The following MYO3A variants were observed in gnomAD, a reference collection of about 807,000 sequenced individuals.
MYO3A encodes myosin IIIA.
In MYO3A, 180 loss-of-function variants were observed where a neutral mutation model predicts 192.7. The ratio of observed to expected loss-of-function variants is 0.93; its 90% confidence interval spans 0.83 to 1.06. The LOEUF (loss-of-function observed/expected upper bound fraction) is 1.06, where lower values mean the gene tolerates loss of function less well. Among genes scored for constraint, MYO3A ranks in the 50% least tolerant of loss-of-function variants. The pLI is 0.00. For missense variants in MYO3A, 1,896 were observed against 1,905.0 expected, an observed-to-expected ratio of 1.00 and a Z score of 0.09; for synonymous variants, 628 against 645.3, an observed-to-expected ratio of 0.97 and a Z score of 0.41.
chr10:26,201,644 C>T (rs981080429), intron 33 of MYO3A, among the ~76,000 whole-genome samples: 2 of 151,552 alleles, frequency 1.3e-5, no homozygotes, highest in South Asian at 2.1e-4. Context: ...CGAGATTGCG[C>T]CACTGCACTC....
At chr10:26,110,869 CTTT>C (rs398054216) in intron 17 of MYO3A, among the ~76,000 whole-genome samples, 3 of 130,402 alleles carry the variant, frequency 2.3e-5, no homozygotes, top group Non-Finnish European at 1.7e-5. Flanking sequence ...GTTTTCTTTT[CTTT>C]TTTTTTTTTT....
At chr10:26,147,370 G>A (rs1260859399) in intron 22 of MYO3A, 60 bp from the exon 23 acceptor site, 2 of 1,156,718 alleles carry the variant, frequency 1.7e-6, no homozygotes, top group Non-Finnish European at 2.5e-6. Flanking sequence ...TGATGATGGT[G>A]AGGAGGAGGA....
intron 1 of MYO3A, among the ~76,000 whole-genome samples, chr10:25,935,300 G>C (rs1160496419): frequency 1.3e-5 from 2 of 152,108 alleles, no homozygotes; most frequent in East Asian, 1.9e-4. Flanking sequence ...TTGCTAACTC[G>C]CACCTTGCTA....
At chr10:25,951,717 A>G (rs1322748515) in intron 2 of MYO3A, among the ~76,000 whole-genome samples, 1 of 152,208 alleles carries the variant, frequency 6.6e-6, no homozygotes, top group Non-Finnish European at 1.5e-5. Context: ...ATCTGCTTAA[A>G]TGAGGAAGTT....
intron 5 of MYO3A, among the ~76,000 whole-genome samples, chr10:25,996,933 C>T (rs576019835): frequency 8.1e-4 from 123 of 152,042 alleles, no homozygotes; most frequent in Middle Eastern, 3.4e-3. Flanking sequence ...ATTTGTAATA[C>T]GATATTTGCT....
chr10:26,068,861 A>C lies in MYO3A; in HGVS notation c.1147A>C (p.Ser383Arg), dbSNP rs773728378. 1 of 1,589,872 alleles carries C rather than the reference A, an allele frequency of 6.3e-7. No homozygotes were observed. Among genetic ancestry groups the C allele is most frequent in the South Asian group, 1.1e-5 (1 of 90,644 alleles). ...DILIALNPFQSLGLYSTKHSK... is the reference protein window; with the variant it reads ...DILIALNPFQRLGLYSTKHSK... ...ACTCATTGCTCTTAACCCTTTTCAG[A>C]GTCTGGGTCTTTACTCCACAAAGGT... The change falls in exon 12 of 35, where the codon AGT becomes CGT. Residue 383 changes from serine (S) to arginine (R), a missense_variant. Coordinates refer to ENST00000642920, the MANE Select transcript of MYO3A (RefSeq NM_017433.5).
chr10:26,140,772 A>G (rs1262399871), intron 20 of MYO3A, among the ~76,000 whole-genome samples: 2 of 152,140 alleles, frequency 1.3e-5, no homozygotes, highest in African/African-American at 4.8e-5. Context: ...GATTTTCCTG[A>G]AGAAAATATA....
In MYO3A at chr10:26,176,800, C is replaced by A. The variant is rs750441373; in HGVS notation, c.4393C>A (p.His1465Asn). The change falls in exon 31 of 35, where the codon CAT becomes AAT. Residue 1465 changes from histidine to asparagine, a missense_variant. His to Asn is a moderately conservative substitution (Grantham distance 68). Coordinates refer to ENST00000642920, the MANE Select transcript of MYO3A (RefSeq NM_017433.5). ...GTCACTTTATCTGGGTGTCTCGCACCATAAGCCAATTAATAGACGAGTTTC... is the reference window on the plus strand; with the variant it reads ...GTCACTTTATCTGGGTGTCTCGCACAATAAGCCAATTAATAGACGAGTTTC... ...LKSLYLGVSH[H>N]KPINRRVSSQ... 6.2e-7 allele frequency: 1 copy of A among 1,613,968 alleles called. No individual in the cohort carries two copies. The highest frequency in any genetic ancestry group is 1.3e-5 in the African/African-American group (1 of 74,884).
At chr10:26,138,222 A>T (rs12218737) in intron 20 of MYO3A, among the ~76,000 whole-genome samples, 3 of 152,022 alleles carry the variant, frequency 2.0e-5, no homozygotes, top group Non-Finnish European at 4.4e-5. Context: ...GGTCACCCCC[A>T]GTGGCCCAGC....
At chr10:26,089,271 C>T (rs1408646683) in intron 15 of MYO3A, among the ~76,000 whole-genome samples, 4 of 152,006 alleles carry the variant, frequency 2.6e-5, no homozygotes, top group Non-Finnish European at 5.9e-5. Context: ...GAGTCCAGCT[C>T]CTAATATGGA....
At chr10:26,062,488 GC>G (rs1453278703) in intron 10 of MYO3A, among the ~76,000 whole-genome samples, 3 of 95,536 alleles carry the variant, frequency 3.1e-5, no homozygotes, top group Non-Finnish European at 4.7e-5. Flanking sequence ...CTGCACTCTG[GC>G]CTGGCGACAG....
intron 2 of MYO3A, among the ~76,000 whole-genome samples, chr10:25,949,036 C>A (rs766890288): frequency 6.6e-6 from 1 of 152,012 alleles, no homozygotes; most frequent in Admixed American, 6.6e-5. Context: ...TTTTCCTGAC[C>A]ACTTCAGAAT....
chr10:26,172,606 G>A (rs1842104164), intron 29 of MYO3A, among the ~76,000 whole-genome samples: 1 of 152,200 alleles, frequency 6.6e-6, no homozygotes, highest in Non-Finnish European at 1.5e-5. Context: ...CTTCTTAGTT[G>A]TATTTTGAAT....
intron 14 of MYO3A, among the ~76,000 whole-genome samples, chr10:26,070,837 A>G (rs1835158792): frequency 8.7e-6 from 1 of 115,538 alleles, no homozygotes. Context: ...TGAACTATGT[A>G]GATCTAAATA....
chr10:26,001,119 TG>T (rs764809906), intron 6 of MYO3A, among the ~76,000 whole-genome samples: 59 of 152,218 alleles, frequency 3.9e-4, no homozygotes, highest in Non-Finnish European at 7.2e-4. Context: ...ATATGACATT[TG>T]GGTGGGGACA....
chr10:26,201,650 C>A (rs1316031980), intron 33 of MYO3A, among the ~76,000 whole-genome samples: 1 of 149,364 alleles, frequency 6.7e-6, no homozygotes, highest in African/African-American at 2.5e-5. Flanking sequence ...TGCGCCACTG[C>A]ACTCCAGCCT....
At chr10:25,958,906 A>T (rs1490915714) in intron 4 of MYO3A, among the ~76,000 whole-genome samples, 1 of 151,632 alleles carries the variant, frequency 6.6e-6, no homozygotes, top group Non-Finnish European at 1.5e-5. Flanking sequence ...CTGTATTCCT[A>T]GGTATTTTAT....
chr10:26,086,877 C>T (rs1265013935), intron 14 of MYO3A, among the ~76,000 whole-genome samples: 1 of 152,156 alleles, frequency 6.6e-6, no homozygotes, highest in African/African-American at 2.4e-5. Context: ...GATAGAGTTT[C>T]TCATCAATGA....
intron 10 of MYO3A, among the ~76,000 whole-genome samples, chr10:26,055,699 T>C (rs1384521855): frequency 2.0e-5 from 3 of 152,200 alleles, no homozygotes; most frequent in Admixed American, 6.5e-5. Context: ...TGGCAGAGCA[T>C]TCTGTTCCTT....
Sources: allele counts gnomAD v4.1 joint callset (sites outside exome capture counted in the v4.1 genomes callset), GRCh38; gene constraint gnomAD v4.1.1; transcripts MANE v1.5; gene names NCBI Gene and HGNC (gene_info 2026-07-23, HGNC 2026-07-21).